DNAI7: variants seen among roughly 807,000 people sequenced by gnomAD.
The protein encoded by DNAI7 is dynein axonemal intermediate chain 7.
In DNAI7, 78 loss-of-function variants were observed where a neutral mutation model predicts 86.6. That is an observed-to-expected ratio of 0.90 (90% CI 0.75 to 1.09). The LOEUF is 1.09. DNAI7 is among the 50% of genes least tolerant of loss of function. DNAI7 has a pLI of 0.00. For missense variants in DNAI7, 753 were observed against 810.2 expected (o/e 0.93, Z 0.86); for synonymous variants, 274 against 273.0 (o/e 1.00, Z -0.04).
chr12:25,176,448 A>G (rs1402876779), intron 2 of DNAI7, among the ~76,000 whole-genome samples: 1 of 152,120 alleles, frequency 6.6e-6, no homozygotes, highest in Non-Finnish European at 1.5e-5. Flanking sequence ...ATTTTCCTGG[A>G]TGTACATCTC....
intron 2 of DNAI7, among the ~76,000 whole-genome samples, chr12:25,172,775 A>G (rs1328076620): frequency 6.6e-6 from 1 of 152,202 alleles, no homozygotes; most frequent in Non-Finnish European, 1.5e-5. Context: ...ATGGAACAGA[A>G]TAGAGAACCC....
At chr12:25,116,548 G>A (rs1940149467) in intron 12 of DNAI7, among the ~76,000 whole-genome samples, 3 of 152,054 alleles carry the variant, frequency 2.0e-5, no homozygotes, top group Non-Finnish European at 4.4e-5. Flanking sequence ...CACCCAGGCT[G>A]GAGTAAAATG....
intron 2 of DNAI7, among the ~76,000 whole-genome samples, chr12:25,163,579 C>T (rs890090707): frequency 1.3e-5 from 2 of 152,194 alleles, no homozygotes; most frequent in Non-Finnish European, 2.9e-5. Flanking sequence ...AGCTTTATTG[C>T]TCACACAAAG....
At chr12:25,110,103 T>C (rs1385747893) in intron 15 of DNAI7, 24 bp downstream of exon 15, 1 of 1,167,720 alleles carries the variant, frequency 8.6e-7, no homozygotes, top group African/African-American at 1.5e-5. Context: ...ACAAAGTAGT[T>C]TTATGGGTTT....
At chr12:25,188,155 C>G (rs1400694831) in intron 2 of DNAI7, among the ~76,000 whole-genome samples, 1 of 152,130 alleles carries the variant, frequency 6.6e-6, no homozygotes, top group African/African-American at 2.4e-5. Context: ...TTGTAAGATA[C>G]TATTATAAGA....
At chr12:25,113,279 C>CTGTTGTTGTTGTTGT (rs111423023) in intron 13 of DNAI7, among the ~76,000 whole-genome samples, 5 of 150,564 alleles carry the variant, frequency 3.3e-5, no homozygotes, top group African/African-American at 1.2e-4. Flanking sequence ...GTTGTTGTTG[C>CTGTTGTTGTTGTTGT]TGTTGTTGTT....
chr12:25,164,184 T>A (rs1220286373), intron 2 of DNAI7, among the ~76,000 whole-genome samples: 4 of 151,182 alleles, frequency 2.6e-5, no homozygotes, highest in Non-Finnish European at 5.9e-5. Flanking sequence ...CTTCTCTCCA[T>A]GTCTACCCCT....
intron 9 of DNAI7, among the ~76,000 whole-genome samples, chr12:25,123,978 A>C (rs985734632): frequency 6.6e-6 from 1 of 151,778 alleles, no homozygotes; most frequent in Non-Finnish European, 1.5e-5. Flanking sequence ...TGGAAATAAA[A>C]GAACTTTGGG....
rs529081299 is a variant in DNAI7, at chr12:25,188,803, T to C, written c.21+1811A>G. Among the ~76,000 whole-genome samples, 8 of 152,290 alleles carry C rather than the reference T, an allele frequency of 5.3e-5. No homozygotes were observed. In the South Asian group the frequency reaches 6.2e-4, roughly 12 times the overall value. On this transcript the variant is annotated intron_variant, in intron 2 of 15. Transcript: ENST00000395987. The stretch of plus-strand genomic sequence containing the variant: ...CGTAATAGCCCACCCATGTATATCA[T>C]GAAGTACCAAGGTAATTTAAAACAA...
At position 25,190,662 on chromosome 12, in the gene DNAI7, A is replaced by G. The variant is rs199640678; in HGVS notation, c.4-31T>C. 181 of 1,319,260 alleles carry G rather than the reference A, an allele frequency of 1.4e-4. No homozygotes were observed. In the African/African-American group the frequency reaches 2.5e-3, roughly 18 times the overall value. The allele number at this position is 1,319,260 out of a possible 1,614,324, so 81.7% of individuals were successfully genotyped here. ...AGTTGGAAAACAAAAGAATTGATCA[A>G]TTTTAAAGACAATTCTGATACAAAA... On this transcript the variant is annotated intron_variant, in intron 1 of 15. Transcript: ENST00000395987.
At position 25,144,573 on chromosome 12, in the gene DNAI7, T is replaced by C; in HGVS notation, c.794A>G (p.His265Arg). 1 of 1,614,088 alleles carries C rather than the reference T, an allele frequency of 6.2e-7. No individual in the cohort carries two copies. Among genetic ancestry groups the C allele is most frequent in the Non-Finnish European group, 8.5e-7 (1 of 1,179,966 alleles). ...TGAAACAGGGTGCAGTGCAGAAACA[T>C]GATCATAGTGGGTATGCAGGAGTCG... Reference protein sequence around the residue: ...AVRLLHTHYDHVSALHPVSTP... With the variant: ...AVRLLHTHYDRVSALHPVSTP... The change falls in exon 9 of 16, where the codon CAT (histidine) becomes CGT (arginine). Residue 265 changes from histidine (H) to arginine (R), a missense_variant. Transcript: ENST00000395987.
chr12:25,109,127 A>G (rs1192434396), intron 15 of DNAI7, among the ~76,000 whole-genome samples: 1 of 152,220 alleles, frequency 6.6e-6, no homozygotes, highest in South Asian at 2.1e-4. Context: ...AGAAATATAG[A>G]CATACAACAT....
Position 25,119,098 on chromosome 12 carries a change from T to A in DNAI7, c.1396+47A>T, listed in dbSNP as rs781049173. ...TACACTTTCTGTTTCAACTTAAGGG[T>A]TTTTATGATTATCCCTCCTTTTATT... On this transcript the variant is annotated intron_variant, in intron 12 of 15. Coordinates refer to ENST00000395987, the MANE Select transcript of DNAI7 (RefSeq NM_018272.5). The A allele has an allele frequency of 8.1e-6, 12 of 1,487,010 alleles. No homozygotes were observed. In the African/African-American group the frequency reaches 1.3e-4, roughly 16 times the overall value. The allele number at this position is 1,487,010 out of a possible 1,614,324, so 92.1% of individuals were successfully genotyped here.
intron 2 of DNAI7, among the ~76,000 whole-genome samples, chr12:25,173,934 A>ATGGAATACATAT (rs375245718): frequency 7.0e-6 from 1 of 143,192 alleles, no homozygotes; most frequent in Non-Finnish European, 1.5e-5. Context: ...TATCATATAT[A>ATGGAATACATAT]ATCATATATA....
chr12:25,115,453 T>C (rs2140386347), intron 12 of DNAI7, among the ~76,000 whole-genome samples: 1 of 152,348 alleles, frequency 6.6e-6, no homozygotes, highest in East Asian at 1.9e-4. Flanking sequence ...ATGTACTTCC[T>C]GTAGGTGGTC....
intron 2 of DNAI7, among the ~76,000 whole-genome samples, chr12:25,189,824 T>A (rs1207289338): frequency 6.6e-6 from 1 of 152,140 alleles, no homozygotes; most frequent in East Asian, 1.9e-4. Flanking sequence ...TGGTCAAGAC[T>A]ATGGCAAATC....
At chr12:25,149,839 A>T in intron 6 of DNAI7, 65 bp from the exon 7 acceptor site, 1 of 986,582 alleles carries the variant, frequency 1.0e-6, no homozygotes. Context: ...TGAAAAAGGG[A>T]ATGTTTTATC....
At chr12:25,186,140 G>A (rs1246779266) in intron 2 of DNAI7, among the ~76,000 whole-genome samples, 1 of 152,066 alleles carries the variant, frequency 6.6e-6, no homozygotes, top group Non-Finnish European at 1.5e-5. Context: ...AAGTACAGTG[G>A]TTTCTGATAA....
chr12:25,177,196 C>T (rs1454073019), intron 2 of DNAI7, among the ~76,000 whole-genome samples: 3 of 152,090 alleles, frequency 2.0e-5, no homozygotes, highest in Non-Finnish European at 2.9e-5. Flanking sequence ...ACCCACCTTG[C>T]CCAGTCATTT....
Sources: allele counts gnomAD v4.1 joint callset (sites outside exome capture counted in the v4.1 genomes callset), GRCh38; gene constraint gnomAD v4.1.1; transcripts MANE v1.5; gene names NCBI Gene and HGNC (gene_info 2026-07-23, HGNC 2026-07-21).